Variants in PAIP1 observed in about 807,000 individuals in gnomAD.
PAIP1 encodes the protein poly(A) binding protein interacting protein 1, also known as polyadenylate-binding protein-interacting protein 1.
Under a neutral mutation model 61.3 loss-of-function variants are expected in PAIP1, and 16 were observed. The observed-to-expected ratio is 0.26, with a 90% confidence interval of 0.18 to 0.40. The LOEUF (loss-of-function observed/expected upper bound fraction) is 0.40. PAIP1 is among the 10% of genes least tolerant of loss of function. The pLI is 1.00. For synonymous variants in PAIP1, 187 were observed against 226.2 expected (o/e 0.83, Z 1.56); for missense variants, 416 against 600.9 (o/e 0.69, Z 3.22).
chr5:43,532,408 GCTTATTATAA>G, intron 9 of PAIP1, among the ~76,000 whole-genome samples: 1 of 152,192 alleles, frequency 6.6e-6, no homozygotes, highest in Non-Finnish European at 1.5e-5. Context: ...AACAAAGGGG[GCTTATTATAA>G]CTAGGAAAGG....
chr5:43,556,330 C>T, intron 1 of PAIP1: 2 of 1,235,248 alleles, frequency 1.6e-6, no homozygotes, highest in East Asian at 3.2e-5. Flanking sequence ...ATTTTTACTT[C>T]CTCCCGGGAC....
At chr5:43,544,964 C>T (rs1244371554) in intron 3 of PAIP1, among the ~76,000 whole-genome samples, 1 of 152,144 alleles carries the variant, frequency 6.6e-6, no homozygotes, top group Admixed American at 6.5e-5. Flanking sequence ...TAGCTTTCAC[C>T]CTGCTTAATT....
chr5:43,541,920 T>C (rs1342475765), intron 4 of PAIP1, among the ~76,000 whole-genome samples: 1 of 152,108 alleles, frequency 6.6e-6, no homozygotes, highest in African/African-American at 2.4e-5. Flanking sequence ...CTCACGCCTG[T>C]AATCCCAGCA....
At position 43,539,179 on chromosome 5, in the gene PAIP1, C is replaced by T. The variant is rs993474880; in HGVS notation, c.735-144G>A. 15 of 593,290 alleles carry T rather than the reference C, an allele frequency of 2.5e-5. No individual in the cohort carries two copies. In the African/African-American group the frequency reaches 2.8e-4, roughly 11 times the overall value. 36.8% of individuals were successfully genotyped at this position (593,290 alleles called of 1,614,324 possible). ...TCTTTCTACAATAAAGAAACTGTTC[C>T]TGACTATTGAAGAGGCTAGAATATA... On this transcript the variant is annotated intron_variant, in intron 4 of 10. Transcript: ENST00000306846.
At chr5:43,554,445 T>C (rs1214818381) in intron 2 of PAIP1, among the ~76,000 whole-genome samples, 4 of 152,188 alleles carry the variant, frequency 2.6e-5, no homozygotes, top group Admixed American at 6.5e-5. Context: ...CCCATATCAA[T>C]TGCTTTTCCT....
At chr5:43,550,697 T>C (rs913354114) in intron 2 of PAIP1, among the ~76,000 whole-genome samples, 21 of 150,942 alleles carry the variant, frequency 1.4e-4, no homozygotes, top group Non-Finnish European at 2.1e-4. Context: ...GCTGAGTACC[T>C]ACTAAGTGCC....
At position 43,557,026 on chromosome 5, in the gene PAIP1, G is replaced by A. The variant is rs1424214484; in HGVS notation, c.-180C>T. 1 of 1,111,208 alleles carries A rather than the reference G, an allele frequency of 9.0e-7. No individual in the cohort carries two copies. The highest frequency in any genetic ancestry group is 1.1e-6 in the Non-Finnish European group (1 of 874,456). The allele number at this position is 1,111,208 out of a possible 1,614,324, so 68.8% of individuals were successfully genotyped here. On this transcript the variant is annotated 5_prime_UTR_variant, in exon 1 of 11. Transcript: ENST00000306846. ...CTTCTGGCGGAGCGGACGGCAGCCC[G>A]AGCACCCGCCGCTCCAGAGCGCCCG... is the stretch of plus-strand genomic sequence containing the variant.
intron 2 of PAIP1, among the ~76,000 whole-genome samples, chr5:43,551,392 A>C (rs1747861533): frequency 6.6e-6 from 1 of 152,248 alleles, no homozygotes; most frequent in African/African-American, 2.4e-5. Context: ...GTATAATGGA[A>C]TATTATAGCC....
chr5:43,527,887 T>A (rs1370066494), intron 10 of PAIP1, among the ~76,000 whole-genome samples: 1 of 152,206 alleles, frequency 6.6e-6, no homozygotes, highest in African/African-American at 2.4e-5. Context: ...ATATTTTGTG[T>A]CTACTTAATA....
chr5:43,542,175 C>CG (rs1471950273), intron 4 of PAIP1, among the ~76,000 whole-genome samples: 58 of 139,762 alleles, frequency 4.1e-4, no homozygotes, highest in Admixed American at 9.6e-4. Flanking sequence ...GACTCGGTCT[C>CG]GGAAAAAAAA....
At chr5:43,556,235 T>C in intron 1 of PAIP1, 1 of 1,288,902 alleles carries the variant, frequency 7.8e-7, no homozygotes, top group Middle Eastern at 2.9e-4. Flanking sequence ...CGAGCTTTTT[T>C]CCTCTCTGTC....
chr5:43,539,487 A>ACACAC (rs763285827), intron 4 of PAIP1, among the ~76,000 whole-genome samples: 1 of 140,928 alleles, frequency 7.1e-6, no homozygotes, highest in African/African-American at 2.6e-5. Flanking sequence ...ACACACACAC[A>ACACAC]ACCTCCAACT....
At chr5:43,546,615 T>A (rs1747643334) in intron 3 of PAIP1, among the ~76,000 whole-genome samples, 2 of 152,180 alleles carry the variant, frequency 1.3e-5, no homozygotes, top group South Asian at 2.1e-4. Flanking sequence ...TTTGAGTTGC[T>A]CTTGTAACAG....
intron 1 of PAIP1, 64 bp from the exon 2 acceptor site, chr5:43,556,063 T>C: frequency 6.5e-7 from 1 of 1,541,232 alleles, no homozygotes; most frequent in Non-Finnish European, 8.8e-7. Flanking sequence ...ACTTGCTATA[T>C]ACTGAAAAAC....
At chr5:43,546,982 G>A (rs778571895) in intron 3 of PAIP1, among the ~76,000 whole-genome samples, 12 of 138,700 alleles carry the variant, frequency 8.7e-5, no homozygotes, top group Non-Finnish European at 1.8e-4. Flanking sequence ...GACGGAGGTC[G>A]CAGGGAGCTG....
At chr5:43,551,011 C>T (rs1349306634) in intron 2 of PAIP1, among the ~76,000 whole-genome samples, 1 of 151,972 alleles carries the variant, frequency 6.6e-6, no homozygotes, top group African/African-American at 2.4e-5. Flanking sequence ...TTGAAAAAGA[C>T]AATAACTAGA....
intron 2 of PAIP1, among the ~76,000 whole-genome samples, chr5:43,550,107 A>C (rs1436199152): frequency 6.6e-6 from 1 of 152,168 alleles, no homozygotes; most frequent in Non-Finnish European, 1.5e-5. Flanking sequence ...CCAGCTGCAG[A>C]AATAGCAGAT....
intron 10 of PAIP1, among the ~76,000 whole-genome samples, chr5:43,528,388 G>T (rs371235433): frequency 6.6e-6 from 1 of 151,808 alleles, no homozygotes; most frequent in Admixed American, 6.6e-5. Context: ...CCTACCAACT[G>T]CTGATGAGTC....
chr5:43,529,684 G>A lies in PAIP1; in HGVS notation c.1346+102C>T, dbSNP rs548048135. On this transcript the variant is annotated intron_variant, in intron 10 of 10. Transcript: ENST00000306846. ...TGGGATTACAGGCACGAGCCACTGC[G>A]CCTGGCCCCAAACACCATTCCTTCA... The A allele has an allele frequency of 8.8e-5, 66 of 747,230 alleles. 1 individual carries two copies. The highest frequency in any genetic ancestry group is 8.6e-4 in the East Asian group (35 of 40,670). 46.3% of individuals were successfully genotyped at this position (747,230 alleles called of 1,614,324 possible).
Sources: allele counts gnomAD v4.1 joint callset (sites outside exome capture counted in the v4.1 genomes callset), GRCh38; gene constraint gnomAD v4.1.1; transcripts MANE v1.5; gene names NCBI Gene and HGNC (gene_info 2026-07-23, HGNC 2026-07-21).